The following BRINP1 variants were observed in gnomAD, a reference collection of about 807,000 sequenced individuals.
The protein encoded by BRINP1 is BMP/retinoic acid inducible neural specific 1, also known as BMP/retinoic acid-inducible neural-specific protein 1.
Under a neutral mutation model 72.9 loss-of-function variants are expected in BRINP1, and 17 were observed. The observed-to-expected ratio is 0.23, with a 90% CI of 0.16 to 0.35. The LOEUF (loss-of-function observed/expected upper bound fraction) is 0.35. Ranked by LOEUF, BRINP1 falls within the 10% of genes least tolerant of loss-of-function variation. The pLI, the probability that BRINP1 is intolerant of heterozygous loss-of-function variation, is 1.00. For synonymous variants in BRINP1, 418 were observed against 378.5 expected (o/e 1.10, Z -1.21); for missense variants, 850 against 1,001.6 (o/e 0.85, Z 2.04).
At chr9:119,324,178 A>G (rs1270420289) in intron 1 of BRINP1, among the ~76,000 whole-genome samples, 1 of 152,200 alleles carries the variant, frequency 6.6e-6, no homozygotes, top group Non-Finnish European at 1.5e-5. Context: ...AATTAATTCC[A>G]ATGAGAATTT....
chr9:119,197,432 G>C (rs993054254), intron 7 of BRINP1, among the ~76,000 whole-genome samples: 2 of 152,156 alleles, frequency 1.3e-5, no homozygotes, highest in African/African-American at 4.8e-5. Flanking sequence ...TATATGTAAA[G>C]CATCAACAAC....
intron 7 of BRINP1, among the ~76,000 whole-genome samples, chr9:119,191,262 C>T (rs1829680775): frequency 6.6e-6 from 1 of 151,782 alleles, no homozygotes; most frequent in African/African-American, 2.4e-5. Context: ...CTATTCAATA[C>T]AGTACTGGAA....
intron 2 of BRINP1, among the ~76,000 whole-genome samples, chr9:119,257,205 CT>C (rs1830454674): frequency 6.6e-6 from 1 of 152,166 alleles, no homozygotes; most frequent in Non-Finnish European, 1.5e-5. Flanking sequence ...TCCCTCAATG[CT>C]ACAATAAGAC....
intron 2 of BRINP1, among the ~76,000 whole-genome samples, chr9:119,279,253 A>T (rs1830685483): frequency 6.6e-6 from 1 of 152,254 alleles, no homozygotes. Context: ...GGATGTATTA[A>T]CTGAAAACTG....
chr9:119,343,207 G>A (rs895932811), intron 1 of BRINP1, among the ~76,000 whole-genome samples: 4 of 152,310 alleles, frequency 2.6e-5, no homozygotes, highest in East Asian at 3.9e-4. Context: ...ACGGGAGAAG[G>A]ACCCACAGCT....
chr9:119,183,385 C>T (rs1302560169), intron 7 of BRINP1, among the ~76,000 whole-genome samples: 2 of 152,004 alleles, frequency 1.3e-5, no homozygotes, highest in Non-Finnish European at 2.9e-5. Context: ...TGAAAGAAAC[C>T]AGACACAAAG....
chr9:119,186,297 C>T (rs905780442), intron 7 of BRINP1, among the ~76,000 whole-genome samples: 1 of 152,162 alleles, frequency 6.6e-6, no homozygotes, highest in African/African-American at 2.4e-5. Context: ...GCACCCTGCC[C>T]CTCCACGACC....
intron 1 of BRINP1, among the ~76,000 whole-genome samples, chr9:119,338,532 CATAAGTGG>C (rs1831373169): frequency 6.9e-6 from 1 of 144,528 alleles, no homozygotes; most frequent in Non-Finnish European, 1.5e-5. Flanking sequence ...ATCTTCTCTC[CATAAGTGG>C]AGAAGACTGA....
intron 7 of BRINP1, among the ~76,000 whole-genome samples, chr9:119,199,674 A>G (rs1829783391): frequency 6.6e-6 from 1 of 152,204 alleles, no homozygotes; most frequent in South Asian, 2.1e-4. Context: ...TAATCTTTAA[A>G]AAAACCCAGG....
At chr9:119,222,689 A>G (rs1564221409) in intron 5 of BRINP1, among the ~76,000 whole-genome samples, 1 of 152,014 alleles carries the variant, frequency 6.6e-6, no homozygotes. Flanking sequence ...AGATAAGACA[A>G]CAAATAAATA....
At chr9:119,318,844 G>GGT (rs56756136) in intron 1 of BRINP1, among the ~76,000 whole-genome samples, 9,667 of 142,082 alleles carry the variant, frequency 0.068, 374 homozygotes, top group Admixed American at 0.13. Context: ...AAATGTGTGG[G>GGT]GTGTGTGTGT....
chr9:119,338,278 CTTTT>C (rs755641554), intron 1 of BRINP1, among the ~76,000 whole-genome samples: 1 of 134,086 alleles, frequency 7.5e-6, no homozygotes, highest in Non-Finnish European at 1.6e-5. Context: ...TTAGATTGGG[CTTTT>C]TTTTTTTTTT....
At chr9:119,295,674 T>C (rs1003846923) in intron 2 of BRINP1, among the ~76,000 whole-genome samples, 5 of 148,274 alleles carry the variant, frequency 3.4e-5, no homozygotes, top group African/African-American at 1.2e-4. Flanking sequence ...AGTATGGTAC[T>C]GGCATAAAAA....
At chr9:119,301,746 A>G (rs1830941358) in intron 2 of BRINP1, among the ~76,000 whole-genome samples, 2 of 152,228 alleles carry the variant, frequency 1.3e-5, no homozygotes, top group Admixed American at 6.5e-5. Flanking sequence ...AGAACTAGGT[A>G]AAGGGTACAT....
chr9:119,362,999 T>G (rs1831651658), intron 1 of BRINP1, among the ~76,000 whole-genome samples: 1 of 152,228 alleles, frequency 6.6e-6, no homozygotes, highest in Non-Finnish European at 1.5e-5. Flanking sequence ...AATTCCCTTT[T>G]ATGTCATGTT....
intron 2 of BRINP1, among the ~76,000 whole-genome samples, chr9:119,274,048 G>A (rs1412781356): frequency 6.6e-6 from 1 of 152,204 alleles, no homozygotes; most frequent in Non-Finnish European, 1.5e-5. Context: ...CAAAGATACA[G>A]ATTGTAGCAG....
rs115634119 is a variant in BRINP1 at position 119,188,196 on chromosome 9, C to T, written c.1146-19972G>A. ...TCCCAAGTCTTGGAAGAGACATGAA[C>T]ATCCAGATTCACAAAGCTCATAGGT... is the stretch of plus-strand genomic sequence containing the variant. On this transcript the variant is annotated intron_variant, in intron 7 of 7. Coordinates refer to ENST00000265922, the MANE Select transcript of BRINP1 (RefSeq NM_014618.3). Among the ~76,000 whole-genome samples, 726 of 152,180 alleles carry T rather than the reference C, an allele frequency of 4.8e-3. 7 individuals carry two copies. Among genetic ancestry groups the T allele is most frequent in the African/African-American group, 0.017 (693 of 41,540 alleles).
At chr9:119,285,277 A>G (rs1442909308) in intron 2 of BRINP1, among the ~76,000 whole-genome samples, 1 of 152,124 alleles carries the variant, frequency 6.6e-6, no homozygotes, top group African/African-American at 2.4e-5. Flanking sequence ...GAGAAAGACC[A>G]TCGTGGTCTC....
chr9:119,266,227 G>A (rs1226486573), intron 2 of BRINP1, among the ~76,000 whole-genome samples: 2 of 152,134 alleles, frequency 1.3e-5, no homozygotes, highest in Non-Finnish European at 2.9e-5. Context: ...CAGGCAAAGG[G>A]AGGAGCAACT....
Sources: gnomAD v4.1 joint callset for allele counts (sites outside exome capture counted in the v4.1 genomes callset) on GRCh38, gnomAD v4.1.1 for gene constraint, MANE v1.5 for transcripts, NCBI Gene and HGNC (gene_info 2026-07-23, HGNC 2026-07-21) for gene names.